Variants in PNPLA6 observed in about 807,000 individuals in gnomAD.
PNPLA6 encodes the protein patatin like domain 6, lysophospholipase, also known as patatin-like phospholipase domain-containing protein 6.
PNPLA6 carries 105 observed loss-of-function variants against 153.7 expected under a neutral mutation model. That is an observed-to-expected ratio of 0.68 (90% CI 0.58 to 0.80). The LOEUF (loss-of-function observed/expected upper bound fraction) is 0.80. Among genes scored for constraint, PNPLA6 ranks in the 30% least tolerant of loss-of-function variants. The pLI is 0.00. For missense variants in PNPLA6, 1,423 were observed against 1,919.3 expected, an observed-to-expected ratio of 0.74 and a Z score of 4.83; for synonymous variants, 825 against 822.2, an observed-to-expected ratio of 1.00 and a Z score of -0.06.
chr19:7,553,892 C>T lies in PNPLA6; in HGVS notation c.2278C>T (p.Pro760Ser), dbSNP rs748337187. ...CTTAGCAGGCTCTGGGTTGGGTGTGCCCCCACACTCGGAACTCACCAACCC... is the reference window on the plus strand; with the variant it reads ...CTTAGCAGGCTCTGGGTTGGGTGTGTCCCCACACTCGGAACTCACCAACCC... ...GPFPGSGLGV[P>S]PHSELTNPAS... Residue 760 changes from proline to serine, a missense_variant, in exon 19 of 32, where the codon CCC (proline) becomes TCC (serine). Physicochemically the swap from Pro to Ser is moderately conservative, Grantham distance 74. Around this residue, in one of 10 missense-constraint regions of PNPLA6, gnomAD observed 23 missense variants for 21.2 expected, o/e 1.08. Transcript: ENST00000600737. 6.2e-7 allele frequency: 1 copy of T among 1,614,166 alleles called. No individual in the cohort carries two copies. Among genetic ancestry groups the T allele is most frequent in the South Asian group, 1.1e-5 (1 of 91,084 alleles).
At chr19:7,550,671 G>T in intron 16 of PNPLA6, 31 bp downstream of exon 16, 5 of 1,607,896 alleles carry the variant, frequency 3.1e-6, no homozygotes, top group Non-Finnish European at 4.2e-6. Context: ...CTGACCTCTG[G>T]CCTTTTCCAG....
Position 7,561,128 on chromosome 19 carries a change from C to T in PNPLA6, c.3913+18C>T, listed in dbSNP as rs1336200007. 1 of 338,458 alleles carries T rather than the reference C, an allele frequency of 3.0e-6. No homozygotes were observed. Among genetic ancestry groups the T allele is most frequent in the African/African-American group, 1.5e-4 (1 of 6,692 alleles). The allele number at this position is 338,458 out of a possible 1,614,324, so 21.0% of individuals were successfully genotyped here. A position where few individuals can be genotyped will look rare whatever the true frequency, so the allele number is the denominator to read the frequency against. ...TGCTGACGGTGAGGGGCCCAGGGGACCCCCCAAGAGGGAGGGGAGTGGCTG... is the reference window on the plus strand; with the variant it reads ...TGCTGACGGTGAGGGGCCCAGGGGATCCCCCAAGAGGGAGGGGAGTGGCTG... On this transcript the variant is annotated intron_variant, in intron 30 of 31. Transcript: ENST00000600737.
Position 7,536,034 on chromosome 19 carries a change from G to A in PNPLA6, c.232+14G>A, listed in dbSNP as rs199727584. On this transcript the variant is annotated intron_variant, in intron 1 of 31. Coordinates refer to ENST00000600737, the MANE Select transcript of PNPLA6 (RefSeq NM_001166114.2). The stretch of plus-strand genomic sequence containing the variant: ...TGCGAGTGCCAAGTGAGCACCCGAG[G>A]GGCCCCTCTTGGGAGGCTGTATGGT... The A allele has an allele frequency of 1.0e-4, 163 of 1,577,164 alleles. No homozygotes were observed. In the East Asian group the frequency reaches 3.4e-3, roughly 33 times the overall value.
upstream of PNPLA6, chr19:7,535,439 C>CT: frequency 8.8e-7 from 1 of 1,137,722 alleles, no homozygotes; most frequent in Non-Finnish European, 1.3e-6. This position sits in a 1 kb window ranked among gnomAD's most constrained non-coding sequence, Gnocchi z 5.0. Context: ...GGGGGCAGGG[C>CT]TTGAGGCAGG....
upstream of PNPLA6, chr19:7,535,361 C>A (rs2022800417): frequency 4.4e-6 from 3 of 687,138 alleles, no homozygotes; most frequent in South Asian, 4.7e-5. The surrounding 1 kb of genome is among the most constrained non-coding windows in gnomAD (Gnocchi z 5.0). Flanking sequence ...TCCCGCAGCG[C>A]CCCTCTAGCC....
rs1017141420 is a variant in PNPLA6, at chr19:7,542,927, A to T, written c.1529A>T (p.Glu510Val). ...KQELAKLMRI[E>V]DPSLLNSRVL... ...GAGCTGGCCAAGCTGATGCGGATTG[A>T]GGTGGGCAGCCGAGGGGAGCTGGGC... Residue 510 changes from glutamate to valine, a missense_variant and splice_region_variant, in exon 12 of 32, where the codon GAG (glutamate) becomes GTG (valine). By Grantham distance (121) the Glu-to-Val change is moderately radical. This residue lies in a region of PNPLA6 where 267 missense variants were observed against 255.1 expected (regional missense o/e 1.05). Coordinates refer to ENST00000600737, the MANE Select transcript of PNPLA6 (RefSeq NM_001166114.2). 9 of 1,613,578 alleles carry T rather than the reference A, an allele frequency of 5.6e-6. No homozygotes were observed. The Admixed American group carries it at 1.2e-4, about 21-fold the overall frequency.
Position 7,557,147 on chromosome 19 carries a change from T to C in PNPLA6, c.3281-21T>C, listed in dbSNP as rs535687642. The C allele has an allele frequency of 3.2e-5, 50 of 1,566,704 alleles. 1 individual carries two copies. The South Asian group carries it at 5.2e-4, about 16-fold the overall frequency. On this transcript the variant is annotated intron_variant, in intron 26 of 31. Transcript: ENST00000600737. ...CTGAGCGTGTCTGTGCGTGTTTGTGTCTGTGTGTCCCACCGCGCAGGCTCC... is the reference window on the plus strand; with the variant it reads ...CTGAGCGTGTCTGTGCGTGTTTGTGCCTGTGTGTCCCACCGCGCAGGCTCC...
intron 27 of PNPLA6, among the ~76,000 whole-genome samples, 155 bp from the exon 28 acceptor site, chr19:7,558,695 A>G (rs2023985762): frequency 6.6e-6 from 1 of 151,796 alleles, no homozygotes; most frequent in African/African-American, 2.4e-5. Context: ...CATCATTTGC[A>G]CGTCTGTGCA....
rs1425930216 is a variant in PNPLA6, at chr19:7,540,641, G to A, written c.726G>A (p.Glu242=). 1.1e-5 allele frequency: 18 copies of A among 1,613,722 alleles called. No homozygotes were observed. The highest frequency in any genetic ancestry group is 4.5e-5 in the East Asian group (2 of 44,882). ...CTCCTGTGTCTCAGGACGGGAAGGAGTGTGTGGTGAAGGAAGTGGTTCCTG... is the reference window on the plus strand; with the variant it reads ...CTCCTGTGTCTCAGGACGGGAAGGAATGTGTGGTGAAGGAAGTGGTTCCTG... ...ELCLPGPDGK[E]CVVKEVVPGD... The change falls in exon 6 of 32, where the codon GAG becomes GAA. Residue 242 remains glutamate, a synonymous_variant. Transcript: ENST00000600737. The surrounding 1 kb of genome is among the most constrained non-coding windows in gnomAD (Gnocchi z 6.8).
intron 13 of PNPLA6, 141 bp from the exon 14 acceptor site, chr19:7,549,766 C>T (rs554549755): frequency 4.0e-5 from 32 of 808,328 alleles, no homozygotes; most frequent in Non-Finnish European, 5.9e-5. Flanking sequence ...GGATTACAGC[C>T]GTGAGCCACC....
At position 7,540,402 on chromosome 19, in the gene PNPLA6, C is replaced by G. The variant is rs573550083; in HGVS notation, c.714+94C>G. On this transcript the variant is annotated intron_variant, in intron 5 of 31. Coordinates refer to ENST00000600737, the MANE Select transcript of PNPLA6 (RefSeq NM_001166114.2). The surrounding 1 kb of genome is among the most constrained non-coding windows in gnomAD (Gnocchi z 6.8). ...GTAGAGCTGGTGGTCTTTGGAGATGCGTCATCGGGAGTCAGGGGAACGGGT... is the reference window on the plus strand; with the variant it reads ...GTAGAGCTGGTGGTCTTTGGAGATGGGTCATCGGGAGTCAGGGGAACGGGT... 4.3e-6 allele frequency: 6 copies of G among 1,380,046 alleles called. No homozygotes were observed. Among genetic ancestry groups the G allele is most frequent in the African/African-American group, 2.8e-5 (2 of 70,730 alleles). 85.5% of individuals were successfully genotyped at this position (1,380,046 alleles called of 1,614,324 possible). A position where few individuals can be genotyped will look rare whatever the true frequency, so the allele number is the denominator to read the frequency against.
rs1408317159 is a variant in PNPLA6 at position 7,561,690 on chromosome 19, C to T, written c.*128C>T. The T allele has an allele frequency of 1.4e-6, 1 of 724,996 alleles. No individual in the cohort carries two copies. The highest frequency in any genetic ancestry group is 2.5e-6 in the Non-Finnish European group (1 of 405,618). The allele number at this position is 724,996 out of a possible 1,614,324, so 44.9% of individuals were successfully genotyped here. Reference sequence around the variant, plus strand: ...CCCGCGGCCCACACACTGGACTGACCTGCCCTGAGCGGGGATGCAGTGTTG... The same window carrying T: ...CCCGCGGCCCACACACTGGACTGACTTGCCCTGAGCGGGGATGCAGTGTTG... On this transcript the variant is annotated 3_prime_UTR_variant, in exon 32 of 32. Transcript: ENST00000600737.
intron 18 of PNPLA6, among the ~76,000 whole-genome samples, chr19:7,552,651 C>T (rs892551733): frequency 1.3e-5 from 2 of 149,526 alleles, no homozygotes; most frequent in Non-Finnish European, 3.0e-5. Flanking sequence ...GCTACTTGGA[C>T]GGCTGAGGCA....
chr19:7,554,378 C>A, intron 20 of PNPLA6, 106 bp downstream of exon 20: 1 of 1,278,372 alleles, frequency 7.8e-7, no homozygotes, highest in Non-Finnish European at 1.1e-6. Flanking sequence ...GAGCCTGCGT[C>A]TTACCCATAG....
chr19:7,550,183 C>T lies in PNPLA6; in HGVS notation c.1814+71C>T. Reference sequence around the variant, plus strand: ...CAACCCGTGGGAGTGGCCAGAACCCCATCCCTCAACCTCACTCCTGGAAGA... The same window carrying T: ...CAACCCGTGGGAGTGGCCAGAACCCTATCCCTCAACCTCACTCCTGGAAGA... On this transcript the variant is annotated intron_variant, in intron 14 of 31. Transcript: ENST00000600737. 6.2e-6 allele frequency: 10 copies of T among 1,606,486 alleles called. No homozygotes were observed. The Admixed American group carries it at 1.0e-4, about 16-fold the overall frequency.
intron 13 of PNPLA6, among the ~76,000 whole-genome samples, chr19:7,544,082 G>A (rs1194741969): frequency 2.0e-5 from 3 of 151,680 alleles, no homozygotes; most frequent in Non-Finnish European, 4.4e-5. Flanking sequence ...CAAAGTGCTG[G>A]GATTACAGGC....
chr19:7,539,712 G>A (rs910815514), intron 3 of PNPLA6, among the ~76,000 whole-genome samples: 1 of 140,854 alleles, frequency 7.1e-6, no homozygotes, highest in African/African-American at 2.7e-5. Context: ...AGCCGAGATC[G>A]CACCATTGCA....
chr19:7,549,110 A>G (rs200054405), intron 13 of PNPLA6, among the ~76,000 whole-genome samples: 6 of 148,506 alleles, frequency 4.0e-5, no homozygotes, highest in Middle Eastern at 3.3e-3. Flanking sequence ...GCTAAAAAAT[A>G]TTTTTATATT....
intron 28 of PNPLA6, among the ~76,000 whole-genome samples, chr19:7,559,443 A>T (rs968232754): frequency 6.6e-6 from 1 of 152,182 alleles, no homozygotes; most frequent in African/African-American, 2.4e-5. Context: ...GAGAATAGTG[A>T]TGAAGCAGAA....
Sources: gnomAD v4.1 joint callset for allele counts (sites outside exome capture counted in the v4.1 genomes callset) on GRCh38, gnomAD v4.1.1 for gene constraint, gnomAD v4.1.1 regional missense constraint, Gnocchi (gnomAD v3.1) non-coding constraint, MANE v1.5 for transcripts, NCBI Gene and HGNC (gene_info 2026-07-23, HGNC 2026-07-21) for gene names.